The following SNTG2 variants were observed in gnomAD, a reference collection of about 807,000 sequenced individuals.
The protein encoded by SNTG2 is gamma-2-syntrophin.
SNTG2 carries 74 observed loss-of-function variants against 70.9 expected under a neutral mutation model. The ratio of observed to expected loss-of-function variants is 1.04; its 90% CI spans 0.86 to 1.27. The LOEUF (loss-of-function observed/expected upper bound fraction) is 1.27, where lower values mean the gene tolerates loss of function less well. SNTG2 is among the 50% of genes most tolerant of loss of function. SNTG2 has a pLI of 0.00. For synonymous variants in SNTG2, 278 were observed against 273.8 expected (o/e 1.02, Z -0.15); for missense variants, 717 against 690.7 (o/e 1.04, Z -0.43).
chr2:1,137,582 G>A (rs753043737), intron 4 of SNTG2, 40 bp from the exon 5 acceptor site: 2 of 1,605,160 alleles, frequency 1.2e-6, no homozygotes, highest in South Asian at 2.2e-5. Flanking sequence ...ATGTCACTGA[G>A]ATTTCTCTTA....
chr2:1,025,958 TTG>T lies in SNTG2; in HGVS notation c.73-57559_73-57558del, dbSNP rs1660461542. Among the ~76,000 whole-genome samples, 4 of 152,378 alleles carry T rather than the reference TTG, an allele frequency of 2.6e-5. No homozygotes were observed. The East Asian group carries it at 5.8e-4, about 22-fold the overall frequency. ...TTTGGGCTCTGCAGGAATAATTGAC[TTG>T]CTGAACTAGTTGTTAAGCCCAGGAG... On this transcript the variant is annotated intron_variant, in intron 1 of 16. Transcript: ENST00000308624.
intron 1 of SNTG2, among the ~76,000 whole-genome samples, chr2:998,900 A>G (rs1451472870): frequency 1.3e-5 from 2 of 152,130 alleles, no homozygotes; most frequent in Non-Finnish European, 2.9e-5. Context: ...GCATCTGATT[A>G]CCTGTAAAGG....
intron 8 of SNTG2, among the ~76,000 whole-genome samples, chr2:1,184,518 T>G (rs545584186): frequency 6.6e-6 from 1 of 152,256 alleles, no homozygotes; most frequent in East Asian, 1.9e-4. Context: ...CATATTTCCA[T>G]AGGCTGTACA....
chr2:1,101,692 C>G (rs762013347), intron 4 of SNTG2, among the ~76,000 whole-genome samples: 1 of 152,150 alleles, frequency 6.6e-6, no homozygotes, highest in Non-Finnish European at 1.5e-5. Flanking sequence ...CCAGATAGGG[C>G]GGGATGCAGA....
intron 8 of SNTG2, among the ~76,000 whole-genome samples, chr2:1,191,693 G>C (rs1262361383): frequency 6.6e-6 from 1 of 152,132 alleles, no homozygotes; most frequent in African/African-American, 2.4e-5. Flanking sequence ...TACTTGGGAG[G>C]CTGAGGCAGG....
chr2:1,268,433 G>A (rs558249375), intron 14 of SNTG2, among the ~76,000 whole-genome samples: 17 of 152,100 alleles, frequency 1.1e-4, no homozygotes, highest in South Asian at 2.1e-4. Flanking sequence ...CACAGAGCAC[G>A]AAGCTTCCCT....
chr2:1,201,455 G>A (rs921554111), intron 8 of SNTG2, among the ~76,000 whole-genome samples: 6 of 151,722 alleles, frequency 4.0e-5, no homozygotes, highest in Admixed American at 6.6e-5. Flanking sequence ...TAGATAGAAG[G>A]GATAAGTTCT....
chr2:1,316,488 A>C (rs924478607), intron 16 of SNTG2, 113 bp downstream of exon 16: 2 of 315,770 alleles, frequency 6.3e-6, no homozygotes, highest in African/African-American at 7.2e-5. Context: ...ATAAACCAAT[A>C]GGTCCTGAAG....
chr2:956,821 G>T (rs567423766), intron 1 of SNTG2, among the ~76,000 whole-genome samples: 3 of 152,336 alleles, frequency 2.0e-5, no homozygotes, highest in Admixed American at 2.0e-4. Flanking sequence ...TTCCGTTTCT[G>T]GTTTTTGAAC....
chr2:1,314,671 G>A (rs191661378), intron 15 of SNTG2, among the ~76,000 whole-genome samples: 23 of 152,322 alleles, frequency 1.5e-4, no homozygotes, highest in Admixed American at 5.2e-4. Flanking sequence ...TGACAACCAC[G>A]GGATATTAGT....
At chr2:1,045,330 A>G (rs1419006921) in intron 1 of SNTG2, among the ~76,000 whole-genome samples, 1 of 152,002 alleles carries the variant, frequency 6.6e-6, no homozygotes, top group African/African-American at 2.4e-5. Flanking sequence ...TATTCACTAA[A>G]AAAAAACTTT....
intron 16 of SNTG2, among the ~76,000 whole-genome samples, chr2:1,348,010 T>C (rs1055614228): frequency 6.6e-6 from 1 of 152,212 alleles, no homozygotes; most frequent in East Asian, 1.9e-4. Context: ...CTGCAGCTTT[T>C]TGGAGTGTAT....
intron 6 of SNTG2, among the ~76,000 whole-genome samples, chr2:1,144,916 A>G (rs1487737999): frequency 6.6e-6 from 1 of 152,216 alleles, no homozygotes; most frequent in Non-Finnish European, 1.5e-5. Flanking sequence ...AGAGATCAAT[A>G]ACAGATAGCT....
intron 1 of SNTG2, among the ~76,000 whole-genome samples, chr2:997,953 C>T (rs62106791): frequency 0.087 from 13,199 of 152,214 alleles, 761 homozygotes; most frequent in South Asian, 0.21. Context: ...TTGAGACCTC[C>T]GCCACTCTGT....
intron 14 of SNTG2, among the ~76,000 whole-genome samples, chr2:1,281,350 T>G (rs1679523257): frequency 6.9e-6 from 1 of 145,612 alleles, no homozygotes; most frequent in African/African-American, 2.6e-5. Flanking sequence ...GGTATGTGTG[T>G]GCTTGTGTAT....
intron 14 of SNTG2, among the ~76,000 whole-genome samples, chr2:1,286,939 C>A (rs1254023250): frequency 6.6e-6 from 1 of 152,224 alleles, no homozygotes; most frequent in Non-Finnish European, 1.5e-5. Flanking sequence ...CTGAAGGAGG[C>A]AGACATGCTC....
intron 8 of SNTG2, among the ~76,000 whole-genome samples, chr2:1,174,722 C>T (rs1198904866): frequency 2.6e-5 from 4 of 152,184 alleles, no homozygotes; most frequent in Non-Finnish European, 5.9e-5. Context: ...ATTTGAAGTA[C>T]AGTAGCTGTA....
intron 2 of SNTG2, among the ~76,000 whole-genome samples, chr2:1,088,659 T>C (rs1039657565): frequency 2.0e-5 from 3 of 152,232 alleles, no homozygotes; most frequent in African/African-American, 7.2e-5. Context: ...AAGAATCATA[T>C]AAGCTCATTA....
At chr2:1,173,208 T>C in intron 8 of SNTG2, 25 bp downstream of exon 8, 3 of 1,595,324 alleles carry the variant, frequency 1.9e-6, no homozygotes, top group African/African-American at 2.7e-5. Flanking sequence ...TTTTGTTAAA[T>C]TTTATTTTAA....
Sources: gnomAD v4.1 joint callset for allele counts (sites outside exome capture counted in the v4.1 genomes callset) on GRCh38, gnomAD v4.1.1 for gene constraint, MANE v1.5 for transcripts, NCBI Gene and HGNC (gene_info 2026-07-23, HGNC 2026-07-21) for gene names.